The following CDH18 variants were observed in gnomAD, a reference collection of about 807,000 sequenced individuals.
CDH18 encodes cadherin 18.
A neutral mutation model predicts 67.9 loss-of-function variants in CDH18; 31 were observed. That is an observed-to-expected ratio of 0.46 (90% CI 0.34 to 0.62). The LOEUF is 0.62. Among genes scored for constraint, CDH18 ranks in the 20% least tolerant of loss-of-function variants. The pLI is 0.01. For synonymous variants in CDH18, 362 were observed against 347.2 expected (o/e 1.04, Z -0.48); for missense variants, 890 against 975.5 (o/e 0.91, Z 1.17).
intron 4 of CDH18, among the ~76,000 whole-genome samples, chr5:19,741,176 T>C (rs1312850042): frequency 1.4e-5 from 2 of 146,488 alleles, no homozygotes; most frequent in South Asian, 4.3e-4. Context: ...TATATATGTA[T>C]ATATGTCATC....
intron 1 of CDH18, among the ~76,000 whole-genome samples, chr5:20,381,956 A>T (rs546907491): frequency 1.3e-5 from 2 of 152,152 alleles, no homozygotes; most frequent in East Asian, 3.8e-4. Context: ...GATAATATGT[A>T]GAACAATTAA....
At chr5:20,077,893 T>C (rs1386986236) in intron 2 of CDH18, among the ~76,000 whole-genome samples, 1 of 152,168 alleles carries the variant, frequency 6.6e-6, no homozygotes, top group African/African-American at 2.4e-5. Flanking sequence ...TGCATAATCC[T>C]GAGGGTTTTA....
intron 1 of CDH18, among the ~76,000 whole-genome samples, chr5:20,442,087 G>C (rs1749650282): frequency 6.6e-6 from 1 of 151,714 alleles, no homozygotes; most frequent in Non-Finnish European, 1.5e-5. Flanking sequence ...CCTCTATCTA[G>C]GTAATGCAAT....
intron 4 of CDH18, among the ~76,000 whole-genome samples, chr5:19,723,739 G>GT (rs1484728115): frequency 6.6e-6 from 1 of 152,020 alleles, no homozygotes; most frequent in Non-Finnish European, 1.5e-5. Context: ...TTGAGACAGA[G>GT]TTTTGCTCAT....
chr5:19,522,693 G>A (rs964001545), intron 9 of CDH18, among the ~76,000 whole-genome samples: 21 of 151,962 alleles, frequency 1.4e-4, no homozygotes, highest in South Asian at 6.2e-4. Flanking sequence ...TCAGGAGATC[G>A]AGACCAGCCT....
At chr5:19,963,936 CTGGGAA>C in intron 2 of CDH18, among the ~76,000 whole-genome samples, 1 of 151,954 alleles carries the variant, frequency 6.6e-6, no homozygotes, top group Non-Finnish European at 1.5e-5. Context: ...TTCAGATCTC[CTGGGAA>C]CTAACTCAAT....
rs968148668 is a variant in CDH18, at chr5:19,534,395, G to A, written c.1390+9474C>T. On this transcript the variant is annotated intron_variant, in intron 9 of 12. Coordinates refer to ENST00000382275, the MANE Select transcript of CDH18 (RefSeq NM_004934.5). Reference sequence around the variant, plus strand: ...GAGAATGCATGAACCCAACTTTAGCGTCACTCATCTTATTACCATGTTACA... The same window carrying A: ...GAGAATGCATGAACCCAACTTTAGCATCACTCATCTTATTACCATGTTACA... Among the ~76,000 whole-genome samples the A allele has an allele frequency of 5.9e-5, 9 of 151,970 alleles. No homozygotes were observed. The East Asian group carries it at 9.7e-4, about 16-fold the overall frequency.
chr5:20,543,252 T>C (rs909960385), intron 1 of CDH18, among the ~76,000 whole-genome samples: 1 of 122,486 alleles, frequency 8.2e-6, no homozygotes, highest in East Asian at 2.8e-4. Context: ...AATAGTTAAA[T>C]GATTAAAAAC....
At chr5:19,903,649 C>A (rs2150119659) in intron 2 of CDH18, among the ~76,000 whole-genome samples, 1 of 114,862 alleles carries the variant, frequency 8.7e-6, no homozygotes, top group Non-Finnish European at 1.7e-5. Flanking sequence ...TCCTCCAGGA[C>A]TATAAATACA....
chr5:20,244,340 C>T (rs1203277924), intron 2 of CDH18, among the ~76,000 whole-genome samples: 2 of 152,090 alleles, frequency 1.3e-5, no homozygotes, highest in African/African-American at 2.4e-5. Flanking sequence ...TTTCTGACAT[C>T]ATAATGAGTT....
chr5:20,088,182 A>G (rs1294435057), intron 2 of CDH18, among the ~76,000 whole-genome samples: 1 of 152,184 alleles, frequency 6.6e-6, no homozygotes, highest in African/African-American at 2.4e-5. Flanking sequence ...CTAGCAAAAT[A>G]CTGTGTGTTG....
chr5:20,498,343 A>C (rs147405549), intron 1 of CDH18, among the ~76,000 whole-genome samples: 5 of 152,218 alleles, frequency 3.3e-5, no homozygotes, highest in African/African-American at 1.2e-4. Context: ...AATCAGCTGC[A>C]TGTAATGATA....
chr5:20,392,279 T>C (rs1343075599), intron 1 of CDH18, among the ~76,000 whole-genome samples: 1 of 151,846 alleles, frequency 6.6e-6, no homozygotes, highest in African/African-American at 2.4e-5. Flanking sequence ...TTTAAAAATG[T>C]AAATATCACT....
chr5:20,057,988 G>A (rs1324196706), intron 2 of CDH18, among the ~76,000 whole-genome samples: 5 of 152,038 alleles, frequency 3.3e-5, no homozygotes, highest in Non-Finnish European at 7.4e-5. Flanking sequence ...CCGTCATTAG[G>A]ATACATACAA....
rs575189164 is a variant in CDH18, at chr5:19,753,970, TA to T, written c.229-6735del. ...ACCAAGCCACCACTACAAGAACTGC[TA>T]AAAGGAGCTCTAAATCTTGAAACAA... On this transcript the variant is annotated intron_variant, in intron 3 of 12. Coordinates refer to ENST00000382275, the MANE Select transcript of CDH18 (RefSeq NM_004934.5). 1.1e-4 allele frequency among the ~76,000 whole-genome samples: 16 copies of T among 152,244 alleles called. 1 individual carries two copies. Among genetic ancestry groups the T allele is most frequent in the Admixed American group, 4.6e-4 (7 of 15,284 alleles).
In CDH18 at chr5:20,148,094, T is replaced by G. The variant is rs570747767; in HGVS notation, c.-518+107350A>C. ...ACAATAGTGTCTTTTGTTTTGTTTTTTTTTTTCTTTTTTTTGAGACAGAGT... is the reference window on the plus strand; with the variant it reads ...ACAATAGTGTCTTTTGTTTTGTTTTGTTTTTTCTTTTTTTTGAGACAGAGT... On this transcript the variant is annotated intron_variant, in intron 2 of 14. Transcript: ENST00000507958. 2.2e-4 allele frequency among the ~76,000 whole-genome samples: 33 copies of G among 151,800 alleles called. 2 individuals carry two copies. The highest frequency in any genetic ancestry group is 7.8e-4 in the East Asian group (4 of 5,158).
At chr5:20,086,824 T>C (rs1487959275) in intron 2 of CDH18, among the ~76,000 whole-genome samples, 2 of 152,274 alleles carry the variant, frequency 1.3e-5, no homozygotes, top group African/African-American at 4.8e-5. Flanking sequence ...AGAGCTTTAA[T>C]GGAGATGTGT....
intron 1 of CDH18, among the ~76,000 whole-genome samples, chr5:20,402,861 T>C (rs1318931663): frequency 6.6e-6 from 1 of 151,088 alleles, no homozygotes; most frequent in Non-Finnish European, 1.5e-5. Context: ...TGAGCTGAGA[T>C]TGCACCACTG....
At position 19,634,025 on chromosome 5, in the gene CDH18, C is replaced by T. The variant is rs1478770859; in HGVS notation, c.644-21424G>A. Among the ~76,000 whole-genome samples, 3 of 152,270 alleles carry T rather than the reference C, an allele frequency of 2.0e-5. No homozygotes were observed. The East Asian group carries it at 5.8e-4, about 29-fold the overall frequency. ...TAACTTCTTACTTGTACTTTGGAAA[C>T]ATTGGCCATCTAATATCCAACTAAT... On this transcript the variant is annotated intron_variant, in intron 5 of 12. Transcript: ENST00000382275.
Sources: allele counts gnomAD v4.1 joint callset (sites outside exome capture counted in the v4.1 genomes callset), GRCh38; gene constraint gnomAD v4.1.1; transcripts MANE v1.5; gene names NCBI Gene and HGNC (gene_info 2026-07-23, HGNC 2026-07-21).